GPN1: variants seen among roughly 807,000 people sequenced by gnomAD.
GPN1 encodes the protein GPN-loop GTPase 1.
GPN1 carries 44 observed loss-of-function variants against 55.9 expected under a neutral mutation model. That is an observed-to-expected ratio of 0.79 (90% CI 0.62 to 1.01). The LOEUF is 1.01. Among genes scored for constraint, GPN1 ranks in the 50% least tolerant of loss-of-function variants. The pLI, the probability that GPN1 is intolerant of heterozygous loss-of-function variation, is 0.00. For missense variants in GPN1, 466 were observed against 462.8 expected, an observed-to-expected ratio of 1.01 and a Z score of -0.06; for synonymous variants, 179 against 162.5, an observed-to-expected ratio of 1.10 and a Z score of -0.77.
chr2:27,638,284 C>T (rs1572956726), intron 8 of GPN1, 29 bp downstream of exon 8: 2 of 1,317,938 alleles, frequency 1.5e-6, no homozygotes, highest in Non-Finnish European at 1.1e-6. Flanking sequence ...TTGTGATTCA[C>T]CATTTTTCAT....
rs1467557391 is a variant in GPN1 at position 27,631,997 on chromosome 2, T to C, written c.312+97T>C. 3.9e-6 allele frequency: 3 copies of C among 774,914 alleles called. No homozygotes were observed. In the African/African-American group the frequency reaches 5.2e-5, roughly 13 times the overall value. 48.0% of individuals were successfully genotyped at this position (774,914 alleles called of 1,614,324 possible). Reference sequence around the variant, plus strand: ...CATTGGTAAAGAAGAGCAGCAAACCTGAGCATAAATATAGAAAATAAGTAG... The same window carrying C: ...CATTGGTAAAGAAGAGCAGCAAACCCGAGCATAAATATAGAAAATAAGTAG... On this transcript the variant is annotated intron_variant, in intron 4 of 13. Transcript: ENST00000610189.
At chr2:27,638,851 C>T in intron 8 of GPN1, 34 bp from the exon 9 acceptor site, 1 of 1,569,684 alleles carries the variant, frequency 6.4e-7, no homozygotes, top group Non-Finnish European at 8.6e-7. Flanking sequence ...TTTGTTGGCT[C>T]TGGTTGCTCA....
At chr2:27,630,004 A>T (rs1301605820) in intron 2 of GPN1, 52 bp downstream of exon 2, 1 of 1,044,478 alleles carries the variant, frequency 9.6e-7, no homozygotes, top group Admixed American at 1.7e-5. Context: ...GAGAATGGAA[A>T]AGGCCAGGCG....
At chr2:27,634,730 C>T in intron 5 of GPN1, 116 bp from the exon 6 acceptor site, 1 of 694,824 alleles carries the variant, frequency 1.4e-6, no homozygotes, top group Non-Finnish European at 2.7e-6. Context: ...TTAGATTTGG[C>T]AGTGTGCAGA....
chr2:27,633,794 T>C (rs533118157), intron 5 of GPN1, among the ~76,000 whole-genome samples: 53 of 151,868 alleles, frequency 3.5e-4, no homozygotes, highest in Non-Finnish European at 7.2e-4. Flanking sequence ...ATTTTTTTTT[T>C]TTTAATGACA....
At chr2:27,639,053 C>T (rs753785785) in intron 9 of GPN1, 22 bp downstream of exon 9, 2 of 1,567,678 alleles carry the variant, frequency 1.3e-6, no homozygotes, top group Admixed American at 3.6e-5. Context: ...CTCCTGCTCA[C>T]ACTGACAGCC....
At chr2:27,646,387 T>G (rs1016860211) in intron 12 of GPN1, among the ~76,000 whole-genome samples, 1 of 152,252 alleles carries the variant, frequency 6.6e-6, no homozygotes, top group African/African-American at 2.4e-5. Flanking sequence ...TCATTACTGT[T>G]GAAAATGGGA....
intron 2 of GPN1, among the ~76,000 whole-genome samples, chr2:27,630,386 G>GTTT (rs202052577): frequency 4.2e-4 from 35 of 82,506 alleles, no homozygotes; most frequent in African/African-American, 4.8e-4. Context: ...AACAGCTTAG[G>GTTT]TTTTTTTTTT....
intron 10 of GPN1, 66 bp from the exon 11 acceptor site, chr2:27,641,174 G>C: frequency 1.0e-6 from 1 of 986,006 alleles, no homozygotes; most frequent in Non-Finnish European, 1.6e-6. Flanking sequence ...TAGAGATAAG[G>C]GGATGTGGAG....
intron 4 of GPN1, 150 bp downstream of exon 4, chr2:27,632,050 A>G: frequency 1.6e-6 from 1 of 641,554 alleles, no homozygotes; most frequent in Non-Finnish European, 2.8e-6. Flanking sequence ...GAAGTAGACT[A>G]TGAGAAGGTG....
In GPN1 at chr2:27,638,269, T is replaced by C. The variant is rs1673809097; in HGVS notation, c.570+14T>C. 2 of 1,468,008 alleles carry C rather than the reference T, an allele frequency of 1.4e-6. No individual in the cohort carries two copies. The highest frequency in any genetic ancestry group is 2.8e-5 in the African/African-American group (2 of 72,104). 90.9% of individuals were successfully genotyped at this position (1,468,008 alleles called of 1,614,324 possible). On this transcript the variant is annotated intron_variant, in intron 8 of 13. Transcript: ENST00000610189. ...GTCATGAATAAAGTAAGTGTATTCT[T>C]CCTGTTGTGATTCACCATTTTTCAT...
intron 12 of GPN1, among the ~76,000 whole-genome samples, chr2:27,642,992 C>CACACACACACAT (rs1674033909): frequency 1.3e-5 from 2 of 150,616 alleles, no homozygotes; most frequent in South Asian, 2.1e-4. Context: ...CACACACACA[C>CACACACACACAT]ACATACATAT....
At chr2:27,644,764 G>C (rs1387323361) in intron 12 of GPN1, among the ~76,000 whole-genome samples, 1 of 142,894 alleles carries the variant, frequency 7.0e-6, no homozygotes, top group East Asian at 2.0e-4. Context: ...TCTGAGGCTG[G>C]TCTGGACCTC....
intron 9 of GPN1, among the ~76,000 whole-genome samples, chr2:27,639,711 C>T (rs183936318): frequency 6.6e-6 from 1 of 152,032 alleles, no homozygotes; most frequent in East Asian, 1.9e-4. Flanking sequence ...TTTGTAGAGA[C>T]TGGGGTCTCG....
At chr2:27,636,531 G>T (rs1212347673) in intron 7 of GPN1, among the ~76,000 whole-genome samples, 1 of 151,932 alleles carries the variant, frequency 6.6e-6, no homozygotes, top group East Asian at 1.9e-4. Flanking sequence ...GTCTTGCTCT[G>T]TCACCCAGGC....
intron 5 of GPN1, 116 bp from the exon 6 acceptor site, chr2:27,634,730 C>G: frequency 1.4e-6 from 1 of 694,824 alleles, no homozygotes; most frequent in East Asian, 2.6e-5. Flanking sequence ...TTAGATTTGG[C>G]AGTGTGCAGA....
intron 13 of GPN1, among the ~76,000 whole-genome samples, chr2:27,649,445 A>AAT (rs35605899): frequency 1.3e-5 from 2 of 151,906 alleles, no homozygotes; most frequent in South Asian, 2.1e-4. Context: ...AGCTTTAATA[A>AAT]ATATATACTT....
chr2:27,631,298 A>G (rs1041080446), intron 3 of GPN1: 3 of 543,068 alleles, frequency 5.5e-6, no homozygotes, highest in Admixed American at 3.4e-5. Context: ...AGAGTATGAT[A>G]GGATAACTGA....
At chr2:27,628,820 C>G, upstream of GPN1, 3 of 1,483,048 alleles carry the variant, frequency 2.0e-6, no homozygotes, top group Non-Finnish European at 2.7e-6. Flanking sequence ...AGATCAGCGC[C>G]CTTTTCCTAG....
Sources: allele counts gnomAD v4.1 joint callset (sites outside exome capture counted in the v4.1 genomes callset), GRCh38; gene constraint gnomAD v4.1.1; transcripts MANE v1.5; gene names NCBI Gene and HGNC (gene_info 2026-07-23, HGNC 2026-07-21).